The following MAX variants were observed in gnomAD, a reference collection of about 807,000 sequenced individuals.
MAX encodes MYC associated transcriptional regulator X, also known as protein max.
In MAX, 3 loss-of-function variants were observed where a neutral mutation model predicts 22.3. The observed-to-expected ratio is 0.13, with a 90% confidence interval of 0.06 to 0.35. MAX has a LOEUF of 0.35. MAX is among the 10% of genes least tolerant of loss of function. The probability of loss-of-function intolerance (pLI) is 1.00; values close to 1 mark genes in which losing one functional copy is unlikely to be tolerated. For synonymous variants in MAX, 72 were observed against 77.7 expected (o/e 0.93, Z 0.39); for missense variants, 119 against 209.4 (o/e 0.57, Z 2.66).
Position 65,032,465 on chromosome 14 carries a change from C to A in MAX, c.172-26181G>T. ...AATGTCACACCTCTCAGTTGGAGACCCAGGAGGACTGACCGTGTGCCAAGA... is the reference window on the plus strand; with the variant it reads ...AATGTCACACCTCTCAGTTGGAGACACAGGAGGACTGACCGTGTGCCAAGA... On this transcript the variant is annotated intron_variant, in intron 3 of 3. Coordinates refer to the MAX transcript ENST00000341653. This position sits in a 1 kb window ranked among gnomAD's most constrained non-coding sequence, Gnocchi z 5.0. 1 of 709,726 alleles carries A rather than the reference C, an allele frequency of 1.4e-6. No homozygotes were observed. The highest frequency in any genetic ancestry group is 2.2e-6 in the Non-Finnish European group (1 of 459,980). 44.0% of individuals were successfully genotyped at this position (709,726 alleles called of 1,614,324 possible).
chr14:65,077,903 G>A lies in MAX; in HGVS notation c.295+10C>T, dbSNP rs375446224. 1.5e-5 allele frequency: 24 copies of A among 1,614,078 alleles called. No homozygotes were observed. The highest frequency in any genetic ancestry group is 5.0e-5 in the Admixed American group (3 of 60,008). On this transcript the variant is annotated intron_variant, in intron 4 of 4. Coordinates refer to ENST00000358664, the MANE Select transcript of MAX (RefSeq NM_002382.5). The surrounding 1 kb of genome is among the most constrained non-coding windows in gnomAD (Gnocchi z 6.3). ...GCAGGGCCAGCTGCCCCACGAGCTC[G>A]GGTGCTCACCTTGCTGCTCCAGAAG...
At chr14:65,060,006 G>C (rs2062825712) in intron 3 of MAX, among the ~76,000 whole-genome samples, 1 of 151,384 alleles carries the variant, frequency 6.6e-6, no homozygotes, top group Non-Finnish European at 1.5e-5. Flanking sequence ...GCTAATTTTT[G>C]TATTTTTGTA....
chr14:65,048,541 G>A (rs2062537949), intron 3 of MAX, among the ~76,000 whole-genome samples: 3 of 152,186 alleles, frequency 2.0e-5, no homozygotes, highest in Admixed American at 2.0e-4. Context: ...TATTTGAGTA[G>A]AAGAAGGAAT....
chr14:65,033,527 T>G (rs1448023663), intron 3 of MAX, among the ~76,000 whole-genome samples: 1 of 152,200 alleles, frequency 6.6e-6, no homozygotes, highest in Admixed American at 6.5e-5. Flanking sequence ...ATATTTTGTT[T>G]GCTGTACTTT....
In MAX at chr14:65,093,845, G is replaced by A. The variant is rs913398884; in HGVS notation, c.64-30C>T. 1 of 1,235,620 alleles carries A rather than the reference G, an allele frequency of 8.1e-7. No homozygotes were observed. Among genetic ancestry groups the A allele is most frequent in the East Asian group, 2.3e-5 (1 of 43,118 alleles). 76.5% of individuals were successfully genotyped at this position (1,235,620 alleles called of 1,614,324 possible). A position where few individuals can be genotyped will look rare whatever the true frequency, so the allele number is the denominator to read the frequency against. On this transcript the variant is annotated intron_variant, in intron 2 of 4. Coordinates refer to ENST00000358664, the MANE Select transcript of MAX (RefSeq NM_002382.5). This position sits in a 1 kb window ranked among gnomAD's most constrained non-coding sequence, Gnocchi z 4.4. ...AAGAATGGGAGAAAGAACACATTAGGAATGTCACTCCTTTTGCTTGGTACA... is the reference window on the plus strand; with the variant it reads ...AAGAATGGGAGAAAGAACACATTAGAAATGTCACTCCTTTTGCTTGGTACA...
chr14:65,101,413 A>G, intron 2 of MAX, 133 bp downstream of exon 2: 1 of 806,658 alleles, frequency 1.2e-6, no homozygotes. Flanking sequence ...ACCAGGCCCC[A>G]CCTCACCTTA....
intron 3 of MAX, among the ~76,000 whole-genome samples, chr14:65,064,436 C>T (rs979083966): frequency 2.0e-5 from 3 of 152,128 alleles, no homozygotes; most frequent in Non-Finnish European, 4.4e-5. Context: ...GGTTCCTCAC[C>T]CTCCCTCCAT....
At chr14:65,072,353 G>GC (rs2062996888), downstream of MAX, among the ~76,000 whole-genome samples, 1 of 152,154 alleles carries the variant, frequency 6.6e-6, no homozygotes, top group South Asian at 2.1e-4. Context: ...AGCTCAGCCA[G>GC]CCCCCTAGAG....
chr14:65,075,423 T>C lies in MAX; in HGVS notation c.*1053A>G. 9.4e-7 allele frequency: 1 copy of C among 1,063,590 alleles called. No homozygotes were observed. Among genetic ancestry groups the C allele is most frequent in the Non-Finnish European group, 1.1e-6 (1 of 877,962 alleles). The allele number at this position is 1,063,590 out of a possible 1,614,324, so 65.9% of individuals were successfully genotyped here. On this transcript the variant is annotated 3_prime_UTR_variant, in exon 5 of 5. Transcript: ENST00000358664. This position sits in a 1 kb window ranked among gnomAD's most constrained non-coding sequence, Gnocchi z 4.1. ...GGTTCCAGGACAGTAGGAAAGGAAG[T>C]GGGATGAGGGCTGGGAAGGGTCCGC... is the stretch of plus-strand genomic sequence containing the variant.
At position 65,077,867 on chromosome 14, in the gene MAX, G is replaced by A; in HGVS notation, c.295+46C>T. 2 of 1,614,186 alleles carry A rather than the reference G, an allele frequency of 1.2e-6. No individual in the cohort carries two copies. The highest frequency in any genetic ancestry group is 2.7e-5 in the African/African-American group (2 of 75,064). Reference sequence around the variant, plus strand: ...GGCCCAGGTGCCAAAGCCTGACCTGGCTGGAGCACAGCAGGGCCAGCTGCC... The same window carrying A: ...GGCCCAGGTGCCAAAGCCTGACCTGACTGGAGCACAGCAGGGCCAGCTGCC... On this transcript the variant is annotated intron_variant, in intron 4 of 4. Coordinates refer to ENST00000358664, the MANE Select transcript of MAX (RefSeq NM_002382.5). This position sits in a 1 kb window ranked among gnomAD's most constrained non-coding sequence, Gnocchi z 6.3.
intron 3 of MAX, among the ~76,000 whole-genome samples, chr14:65,048,433 C>G (rs760020643): frequency 1.8e-4 from 28 of 152,178 alleles, no homozygotes; most frequent in Non-Finnish European, 4.1e-4. Flanking sequence ...AAAGAATGCT[C>G]TACATAGTGC....
In MAX at chr14:65,076,245, G is replaced by T. The variant is rs2063052077; in HGVS notation, c.*231C>A. On this transcript the variant is annotated 3_prime_UTR_variant, in exon 5 of 5. Transcript: ENST00000358664. The surrounding 1 kb of genome is among the most constrained non-coding windows in gnomAD (Gnocchi z 6.6). ...TTTTGGTTTAAAAATTCCTGTTGGG[G>T]ACAGGGAATCCCTGAAGGGAATACA... The T allele has an allele frequency of 7.0e-7, 1 of 1,429,694 alleles. No homozygotes were observed. Among genetic ancestry groups the T allele is most frequent in the Non-Finnish European group, 9.1e-7 (1 of 1,098,118 alleles). 88.6% of individuals were successfully genotyped at this position (1,429,694 alleles called of 1,614,324 possible).
rs2062964565 is a variant in MAX at position 65,069,459 on chromosome 14, C to A, written c.171+24249G>T. Among the ~76,000 whole-genome samples, 1 of 152,246 alleles carries A rather than the reference C, an allele frequency of 6.6e-6. No homozygotes were observed. Among genetic ancestry groups the A allele is most frequent in the Non-Finnish European group, 1.5e-5 (1 of 68,046 alleles). ...ACGTGCATTTGTGCTAAATGCCTAA[C>A]CTCATCTCTAAGCTTCTTCAAGGCA... On this transcript the variant is annotated intron_variant, in intron 3 of 3. Transcript: ENST00000341653. The surrounding 1 kb of genome is among the most constrained non-coding windows in gnomAD (Gnocchi z 4.6).
rs1172195312 is a variant in MAX at position 65,065,889 on chromosome 14, C to T, written c.171+27819G>A. On this transcript the variant is annotated intron_variant, in intron 3 of 3. Coordinates refer to the MAX transcript ENST00000341653. ...TGGGTGAAGCAGGCGTATTACCTGC[C>T]TTTTACAACTGGAGAAACAGGTTGG... Among the ~76,000 whole-genome samples, 7 of 152,316 alleles carry T rather than the reference C, an allele frequency of 4.6e-5. No individual in the cohort carries two copies. In the South Asian group the frequency reaches 8.3e-4, roughly 18 times the overall value.
In MAX at chr14:65,088,400, C is replaced by CAACT. The variant is rs377051131; in HGVS notation, c.171+5304_171+5307dup. The stretch of plus-strand genomic sequence containing the variant: ...GCCTGGAGCCTAAGGGAGACTTGGG[C>CAACT]AACTATGGGCAACAATTTAAGATGT... On this transcript the variant is annotated intron_variant, in intron 3 of 4. Transcript: ENST00000358664. This position sits in a 1 kb window ranked among gnomAD's most constrained non-coding sequence, Gnocchi z 5.2. 2.6e-5 allele frequency among the ~76,000 whole-genome samples: 4 copies of CAACT among 152,238 alleles called. No homozygotes were observed. Among genetic ancestry groups the CAACT allele is most frequent in the African/African-American group, 9.6e-5 (4 of 41,548 alleles).
chr14:65,096,165 T>C (rs1256419), intron 2 of MAX, among the ~76,000 whole-genome samples: 7 of 152,190 alleles, frequency 4.6e-5, no homozygotes, highest in East Asian at 1.9e-4. Flanking sequence ...CTGGGGACTG[T>C]TGTTCTCAAA....
At chr14:65,065,161 T>C (rs577707935) in intron 3 of MAX, among the ~76,000 whole-genome samples, 1 of 152,236 alleles carries the variant, frequency 6.6e-6, no homozygotes, top group South Asian at 2.1e-4. Context: ...TCTTTCCTAT[T>C]AGGGGATGGT....
intron 2 of MAX, among the ~76,000 whole-genome samples, chr14:65,101,141 G>T (rs932085033): frequency 2.0e-5 from 3 of 152,186 alleles, no homozygotes; most frequent in African/African-American, 4.8e-5. Flanking sequence ...TGTGGCTTCA[G>T]CTTCACACAA....
At position 65,076,121 on chromosome 14, in the gene MAX, G is replaced by A. The variant is rs1055531803; in HGVS notation, c.*355C>T. On this transcript the variant is annotated 3_prime_UTR_variant, in exon 5 of 5. Coordinates refer to ENST00000358664, the MANE Select transcript of MAX (RefSeq NM_002382.5). The surrounding 1 kb of genome is among the most constrained non-coding windows in gnomAD (Gnocchi z 6.6). ...GCAGGCGTCCCCCGGGCATGTGCCC[G>A]GCAGGGCTGGAGGAGCTGGTAGGGT... 17 of 1,294,274 alleles carry A rather than the reference G, an allele frequency of 1.3e-5. No homozygotes were observed. Among genetic ancestry groups the A allele is most frequent in the African/African-American group, 7.4e-5 (5 of 67,336 alleles). 80.2% of individuals were successfully genotyped at this position (1,294,274 alleles called of 1,614,324 possible). A position where few individuals can be genotyped will look rare whatever the true frequency, so the allele number is the denominator to read the frequency against.
Sources: allele counts gnomAD v4.1 joint callset (sites outside exome capture counted in the v4.1 genomes callset), GRCh38; gene constraint gnomAD v4.1.1; non-coding constraint Gnocchi (gnomAD v3.1); transcripts MANE v1.5; gene names NCBI Gene and HGNC (gene_info 2026-07-23, HGNC 2026-07-21).